The following SARM1 variants were observed in gnomAD, a reference collection of about 807,000 sequenced individuals.
The protein encoded by SARM1 is NAD(+) hydrolase SARM1.
In SARM1, 60 loss-of-function variants were observed where a neutral mutation model predicts 65.1. That is an observed-to-expected ratio of 0.92 (90% CI 0.75 to 1.14). The LOEUF is 1.14. SARM1 is among the 50% of genes most tolerant of loss of function. The pLI is 0.00. For synonymous variants in SARM1, 417 were observed against 465.4 expected (o/e 0.90, Z 1.34); for missense variants, 913 against 1,015.7 (o/e 0.90, Z 1.37).
In SARM1 at chr17:28,385,439, C is replaced by G. The variant is rs1394736771; in HGVS notation, c.1630+164C>G. 2 of 612,776 alleles carry G rather than the reference C, an allele frequency of 3.3e-6. No individual in the cohort carries two copies. The highest frequency in any genetic ancestry group is 6.6e-5 in the Admixed American group (2 of 30,456). 38.0% of individuals were successfully genotyped at this position (612,776 alleles called of 1,614,324 possible). Reference sequence around the variant, plus strand: ...AGGATGTAAAGATGAATACGTTGCACTTTACCTCAAGAAGTTCCCAGTCTG... The same window carrying G: ...AGGATGTAAAGATGAATACGTTGCAGTTTACCTCAAGAAGTTCCCAGTCTG... On this transcript the variant is annotated intron_variant, in intron 5 of 8. Transcript: ENST00000585482. The surrounding 1 kb of genome is among the most constrained non-coding windows in gnomAD (Gnocchi z 4.5).
rs1291259613 is a variant in SARM1 at position 28,401,114 on chromosome 17, C to A, written c.*4828C>A. On this transcript the variant is annotated 3_prime_UTR_variant, in exon 9 of 9. Transcript: ENST00000585482. Reference sequence around the variant, plus strand: ...TTTTCTGGTTTATCCTCTTTGGAATCATCTCCTGTTTGGGATTAACTGCTG... The same window carrying A: ...TTTTCTGGTTTATCCTCTTTGGAATAATCTCCTGTTTGGGATTAACTGCTG... The A allele has an allele frequency of 3.7e-5, 13 of 348,502 alleles. No homozygotes were observed. The highest frequency in any genetic ancestry group is 7.2e-5 in the Non-Finnish European group (13 of 179,890). The allele number at this position is 348,502 out of a possible 1,614,324, so 21.6% of individuals were successfully genotyped here.
rs2068046159 is a variant in SARM1, at chr17:28,385,440, T to C, written c.1630+165T>C. ...GGATGTAAAGATGAATACGTTGCACTTTACCTCAAGAAGTTCCCAGTCTGA... is the reference window on the plus strand; with the variant it reads ...GGATGTAAAGATGAATACGTTGCACCTTACCTCAAGAAGTTCCCAGTCTGA... On this transcript the variant is annotated intron_variant, in intron 5 of 8. Coordinates refer to ENST00000585482, the MANE Select transcript of SARM1 (RefSeq NM_015077.4). This position sits in a 1 kb window ranked among gnomAD's most constrained non-coding sequence, Gnocchi z 4.5. 2 of 607,632 alleles carry C rather than the reference T, an allele frequency of 3.3e-6. No homozygotes were observed. The highest frequency in any genetic ancestry group is 6.6e-5 in the Admixed American group (2 of 30,090). The allele number at this position is 607,632 out of a possible 1,614,324, so 37.6% of individuals were successfully genotyped here. A position where few individuals can be genotyped will look rare whatever the true frequency, so the allele number is the denominator to read the frequency against.
chr17:28,395,816 C>T (rs1247528894), intron 7 of SARM1, 89 bp from the exon 8 acceptor site: 136 of 1,510,740 alleles, frequency 9.0e-5, no homozygotes, highest in Middle Eastern at 3.5e-4. Flanking sequence ...GGCCCAGCCT[C>T]GGGCCAGTGG....
intron 2 of SARM1, among the ~76,000 whole-genome samples, chr17:28,382,844 C>T (rs1477642810): frequency 1.6e-5 from 2 of 127,810 alleles, no homozygotes; most frequent in Non-Finnish European, 3.4e-5. Flanking sequence ...GCACCACAAT[C>T]CCCCAGCTGG....
rs1389843950 is a variant in SARM1, at chr17:28,399,375, T to C, written c.*3089T>C. The C allele has an allele frequency of 2.2e-6, 1 of 458,138 alleles. No individual in the cohort carries two copies. The highest frequency in any genetic ancestry group is 3.4e-5 in the Admixed American group (1 of 29,588). 28.4% of individuals were successfully genotyped at this position (458,138 alleles called of 1,614,324 possible). The stretch of plus-strand genomic sequence containing the variant: ...CTCTGGCCTGTGGGGTTATAAGTGA[T>C]GGATAGCAGAAAGGGAGAACTGACT... On this transcript the variant is annotated 3_prime_UTR_variant, in exon 9 of 9. Coordinates refer to ENST00000585482, the MANE Select transcript of SARM1 (RefSeq NM_015077.4).
Position 28,384,626 on chromosome 17 carries a change from G to C in SARM1, c.1302+57G>C, listed in dbSNP as rs2068040800. 1 of 1,469,130 alleles carries C rather than the reference G, an allele frequency of 6.8e-7. No individual in the cohort carries two copies. Among genetic ancestry groups the C allele is most frequent in the Admixed American group, 2.2e-5 (1 of 45,746 alleles). The allele number at this position is 1,469,130 out of a possible 1,614,324, so 91.0% of individuals were successfully genotyped here. A position where few individuals can be genotyped will look rare whatever the true frequency, so the allele number is the denominator to read the frequency against. The stretch of plus-strand genomic sequence containing the variant: ...TCAGAGCGGGCGCCCTGTGCACAGG[G>C]ACTGCGTTCCCTCCCCGCCTCGCAA... On this transcript the variant is annotated intron_variant, in intron 3 of 8. Transcript: ENST00000585482. The surrounding 1 kb of genome is among the most constrained non-coding windows in gnomAD (Gnocchi z 4.4).
Position 28,398,666 on chromosome 17 carries a change from A to G in SARM1, c.*2380A>G, listed in dbSNP as rs558108857. On this transcript the variant is annotated 3_prime_UTR_variant, in exon 9 of 9. Transcript: ENST00000585482. The stretch of plus-strand genomic sequence containing the variant: ...GCCAAGAACTGCTCAGGGACATTAA[A>G]GGTCAAAAGTCCAGCCACACTCATT... The G allele has an allele frequency of 6.6e-6, 1 of 152,458 alleles. No individual in the cohort carries two copies. The highest frequency in any genetic ancestry group is 1.9e-4 in the East Asian group (1 of 5,188). 9.4% of individuals were successfully genotyped at this position (152,458 alleles called of 1,614,324 possible).
chr17:28,396,224 C>T lies in SARM1; in HGVS notation c.2113C>T (p.Arg705Trp), dbSNP rs782438923. The change falls in exon 9 of 9, where the codon CGG (arginine) becomes TGG (tryptophan). Residue 705 changes from arginine (R) to tryptophan (W), a missense_variant. By Grantham distance (101) the Arg-to-Trp change is moderately radical (BLOSUM62 -3). This residue lies in a region of SARM1 where 862 missense variants were observed against 952.1 expected (regional missense o/e 0.91). Coordinates refer to ENST00000585482, the MANE Select transcript of SARM1 (RefSeq NM_015077.4). ...IIRFLQGRSS[R>W]DSSAGSDTSL... is the part of the protein sequence containing the mutation. ...CCGCTTCCTGCAGGGCCGCTCCTCC[C>T]GGGACTCATCTGCAGGCTCTGACAC... The T allele has an allele frequency of 1.9e-5, 31 of 1,613,900 alleles. No individual in the cohort carries two copies. The highest frequency in any genetic ancestry group is 3.3e-5 in the Admixed American group (2 of 60,008).
chr17:28,382,252 A>G (rs1388911887), intron 2 of SARM1, among the ~76,000 whole-genome samples: 1 of 152,158 alleles, frequency 6.6e-6, no homozygotes, highest in East Asian at 1.9e-4. Flanking sequence ...GAGAAGGAGA[A>G]AGAGGAGCTG....
rs2068064667 is a variant in SARM1 at position 28,388,535 on chromosome 17, A to G, written c.1919A>G (p.His640Arg). Residue 640 changes from histidine (H) to arginine (R), a missense_variant, in exon 7 of 9, where the codon CAT becomes CGT. Physicochemically the swap from His to Arg is conservative, Grantham distance 29. Coordinates refer to ENST00000585482, the MANE Select transcript of SARM1 (RefSeq NM_015077.4). ...GACCATGACTGCAAGGATTGGGTGC[A>G]TAAGGTAGGTGCCTGCCTATGCTTC... ...MQDHDCKDWV[H>R]KEIVTALSCG... 1 of 1,612,812 alleles carries G rather than the reference A, an allele frequency of 6.2e-7. No homozygotes were observed. The highest frequency in any genetic ancestry group is 1.3e-5 in the African/African-American group (1 of 74,922).
Position 28,385,273 on chromosome 17 carries a change from G to T in SARM1, c.1628G>T (p.Arg543Ile), listed in dbSNP as rs1314696437. ...CGCGCCCGCATCCTCACGGCGGCCA[G>T]AGGTCAGCCCGCTCACCCGGGACCC... ...VHRARILTAA[R>I]EMLHSPLPCT... Residue 543 changes from arginine (R) to isoleucine (I), a missense_variant and splice_region_variant, in exon 5 of 9, where the codon AGA (arginine) becomes ATA (isoleucine). By Grantham distance (97) the Arg-to-Ile change is moderately conservative (BLOSUM62 -3). Transcript: ENST00000585482. The surrounding 1 kb of genome is among the most constrained non-coding windows in gnomAD (Gnocchi z 4.5). 2 of 1,542,058 alleles carry T rather than the reference G, an allele frequency of 1.3e-6. No individual in the cohort carries two copies. Among genetic ancestry groups the T allele is most frequent in the Non-Finnish European group, 1.7e-6 (2 of 1,150,114 alleles).
rs782774927 is a variant in SARM1, at chr17:28,395,995, A to G, written c.2014A>G (p.Met672Val). The part of the protein sequence containing the change: ...WPEPQVLPED[M>V]QAVLTFNGIK... ...TGAGCCCCAGGTCCTGCCTGAGGAC[A>G]TGCAGGCTGTGCTTACTTTCAACGG... The change falls in exon 8 of 9, where the codon ATG becomes GTG. Residue 672 changes from methionine (M) to valine (V), a missense_variant. By Grantham distance (21) the Met-to-Val change is conservative. Coordinates refer to ENST00000585482, the MANE Select transcript of SARM1 (RefSeq NM_015077.4). 1.4e-5 allele frequency: 23 copies of G among 1,613,954 alleles called. No individual in the cohort carries two copies. The highest frequency in any genetic ancestry group is 1.8e-5 in the Non-Finnish European group (21 of 1,179,858).
chr17:28,401,096 G>A lies in SARM1; in HGVS notation c.*4810G>A. On this transcript the variant is annotated 3_prime_UTR_variant, in exon 9 of 9. Coordinates refer to ENST00000585482, the MANE Select transcript of SARM1 (RefSeq NM_015077.4). ...GCTTGATGGAAATGGCTTTTTTCTG[G>A]TTTATCCTCTTTGGAATCATCTCCT... 1.9e-5 allele frequency: 7 copies of A among 363,054 alleles called. No individual in the cohort carries two copies. The highest frequency in any genetic ancestry group is 1.4e-4 in the South Asian group (6 of 42,124). 22.5% of individuals were successfully genotyped at this position (363,054 alleles called of 1,614,324 possible). A position where few individuals can be genotyped will look rare whatever the true frequency, so the allele number is the denominator to read the frequency against.
At chr17:28,380,057 C>CTTTTTTTTT (rs61029083) in intron 1 of SARM1, among the ~76,000 whole-genome samples, 4 of 106,088 alleles carry the variant, frequency 3.8e-5, no homozygotes, top group Admixed American at 1.1e-4. Context: ...TTTTTCTTTT[C>CTTTTTTTTT]TTTTTTTTTT....
chr17:28,393,554 C>T (rs1300575876), intron 7 of SARM1, among the ~76,000 whole-genome samples: 6 of 151,078 alleles, frequency 4.0e-5, no homozygotes, highest in Admixed American at 6.6e-5. Flanking sequence ...TGTTCCCCTG[C>T]CCCCCGCCAA....
In SARM1 at chr17:28,385,407, G is replaced by C. The variant is rs2068046038; in HGVS notation, c.1630+132G>C. Reference sequence around the variant, plus strand: ...TTGAGCACAAACGTGGGTCACACTGGGCTCTGAGGATGTAAAGATGAATAC... The same window carrying C: ...TTGAGCACAAACGTGGGTCACACTGCGCTCTGAGGATGTAAAGATGAATAC... On this transcript the variant is annotated intron_variant, in intron 5 of 8. Coordinates refer to ENST00000585482, the MANE Select transcript of SARM1 (RefSeq NM_015077.4). The surrounding 1 kb of genome is among the most constrained non-coding windows in gnomAD (Gnocchi z 4.5). 1.5e-6 allele frequency: 1 copy of C among 684,816 alleles called. No individual in the cohort carries two copies. The highest frequency in any genetic ancestry group is 1.8e-5 in the African/African-American group (1 of 55,154). 42.4% of individuals were successfully genotyped at this position (684,816 alleles called of 1,614,324 possible). A position where few individuals can be genotyped will look rare whatever the true frequency, so the allele number is the denominator to read the frequency against.
rs35032822 is a variant in SARM1, at chr17:28,374,970, CAAAAAAAAAAA to C, written c.470+2483_470+2493del. Among the ~76,000 whole-genome samples, 29 of 70,450 alleles carry C rather than the reference CAAAAAAAAAAA, an allele frequency of 4.1e-4. No homozygotes were observed. The East Asian group carries it at 6.6e-3, about 16-fold the overall frequency. The allele number at this position is 70,450 out of a possible 152,430, so 46.2% of individuals were successfully genotyped here. ...CCTCAGTGACAGAGCCAGACCTTGT[CAAAAAAAAAAA>C]AAAAAAAAAAAAAACAATTCCATCA... On this transcript the variant is annotated intron_variant, in intron 1 of 8. Coordinates refer to ENST00000585482, the MANE Select transcript of SARM1 (RefSeq NM_015077.4).
chr17:28,395,940 T>C lies in SARM1; in HGVS notation c.1959T>C (p.Ile653=), dbSNP rs782593787. ...CTGCTTTAAGCTGCGGCAAGAACAT[T>C]GTGCCCATCATTGATGGCTTCGAGT... The part of the protein sequence containing the change: ...IVTALSCGKN[I]VPIIDGFEWP... The change falls in exon 8 of 9, where the codon ATT becomes ATC. Residue 653 remains isoleucine, a synonymous_variant. Transcript: ENST00000585482. The C allele has an allele frequency of 1.2e-6, 2 of 1,613,854 alleles. No individual in the cohort carries two copies. The highest frequency in any genetic ancestry group is 1.7e-6 in the Non-Finnish European group (2 of 1,179,886).
chr17:28,372,384 G>C lies in SARM1; in HGVS notation c.352G>C (p.Asp118His), dbSNP rs1205182747. The C allele has an allele frequency of 2.0e-6, 3 of 1,527,776 alleles. No homozygotes were observed. Among genetic ancestry groups the C allele is most frequent in the Non-Finnish European group, 2.6e-6 (3 of 1,143,860 alleles). The allele number at this position is 1,527,776 out of a possible 1,614,324, so 94.6% of individuals were successfully genotyped here. ...CCGCGAGGTAGCCCAGGGTCTGTGC[G>C]ACGCCATCCGCCTCGATGGCGGCCT... is the stretch of plus-strand genomic sequence containing the variant. ...VGREVAQGLC[D>H]AIRLDGGLDL... Residue 118 changes from aspartate (D) to histidine (H), a missense_variant, in exon 1 of 9, where the codon GAC becomes CAC. Asp to His is a moderately conservative substitution (Grantham distance 81, BLOSUM62 -1). This residue lies in a region of SARM1 where 862 missense variants were observed against 952.1 expected (regional missense o/e 0.91). Coordinates refer to ENST00000585482, the MANE Select transcript of SARM1 (RefSeq NM_015077.4). This position sits in a 1 kb window ranked among gnomAD's most constrained non-coding sequence, Gnocchi z 5.2.
Sources: gnomAD v4.1 joint callset for allele counts (sites outside exome capture counted in the v4.1 genomes callset) on GRCh38, gnomAD v4.1.1 for gene constraint, gnomAD v4.1.1 regional missense constraint, Gnocchi (gnomAD v3.1) non-coding constraint, MANE v1.5 for transcripts, NCBI Gene and HGNC (gene_info 2026-07-23, HGNC 2026-07-21) for gene names.